Variants in WWC1 observed in about 807,000 individuals in gnomAD.
The protein encoded by WWC1 is protein KIBRA.
WWC1 carries 55 observed loss-of-function variants against 138.4 expected under a neutral mutation model. The observed-to-expected ratio is 0.40, with a 90% CI of 0.32 to 0.50. The LOEUF (loss-of-function observed/expected upper bound fraction) is 0.50, where lower values mean the gene tolerates loss of function less well. WWC1 is among the 20% of genes least tolerant of loss of function. The probability of loss-of-function intolerance (pLI) is 0.72; values close to 1 mark genes in which losing one functional copy is unlikely to be tolerated. For missense variants in WWC1, 1,226 were observed against 1,420.4 expected (o/e 0.86, Z 2.20); for synonymous variants, 524 against 564.9 (o/e 0.93, Z 1.03).
chr5:168,410,847 A>G (rs1357273938), intron 8 of WWC1, among the ~76,000 whole-genome samples: 2 of 152,184 alleles, frequency 1.3e-5, no homozygotes, highest in East Asian at 3.8e-4. Flanking sequence ...GAGAAAGGTA[A>G]GACCAAGATA....
In WWC1 at chr5:168,423,776, G is replaced by C; in HGVS notation, c.1518G>C (p.Val506=). The C allele has an allele frequency of 6.2e-7, 1 of 1,613,940 alleles. No homozygotes were observed. Among genetic ancestry groups the C allele is most frequent in the Non-Finnish European group, 8.5e-7 (1 of 1,179,900 alleles). ...TCACCACCATCCACGAGGATGAGGT[G>C]GCCAAGACCCAGAAGGCAGAGGGAG... The part of the protein sequence containing the change: ...GCITTIHEDE[V]AKTQKAEGGG... Residue 506 remains valine, a synonymous_variant, in exon 11 of 23, where the codon GTG becomes GTC. Coordinates refer to ENST00000265293, the MANE Select transcript of WWC1 (RefSeq NM_015238.3).
Position 168,292,037 on chromosome 5 carries a change from A to C in WWC1, c.-116A>C. The C allele has an allele frequency of 7.8e-7, 1 of 1,286,580 alleles. No homozygotes were observed. The highest frequency in any genetic ancestry group is 1.0e-6 in the Non-Finnish European group (1 of 998,370). The allele number at this position is 1,286,580 out of a possible 1,614,324, so 79.7% of individuals were successfully genotyped here. On this transcript the variant is annotated 5_prime_UTR_variant, in exon 1 of 23. Transcript: ENST00000265293. The surrounding 1 kb of genome is among the most constrained non-coding windows in gnomAD (Gnocchi z 4.4). The stretch of plus-strand genomic sequence containing the variant: ...CTAGGGCCCCCCATCTGCGGGCGCC[A>C]CCCCCCGGATCATGGTGCCTCGGCG...
intron 12 of WWC1, 136 bp downstream of exon 12, chr5:168,428,277 A>C (rs929245599): frequency 8.6e-6 from 7 of 809,604 alleles, no homozygotes; most frequent in Admixed American, 2.9e-5. Context: ...GCATGACCCC[A>C]CCTTCCTCTT....
At chr5:168,404,704 C>G (rs112976731) in intron 5 of WWC1, among the ~76,000 whole-genome samples, 161 of 152,290 alleles carry the variant, frequency 1.1e-3, no homozygotes, top group African/African-American at 3.7e-3. Context: ...TTCCCGCAGA[C>G]TGTAAAACTC....
intron 1 of WWC1, among the ~76,000 whole-genome samples, chr5:168,322,144 G>A (rs1772166465): frequency 6.6e-6 from 1 of 152,178 alleles, no homozygotes; most frequent in Non-Finnish European, 1.5e-5. Flanking sequence ...ATGTGATTTT[G>A]TAACAGATTG....
chr5:168,352,960 G>T (rs1289675517), intron 1 of WWC1, among the ~76,000 whole-genome samples: 4 of 152,128 alleles, frequency 2.6e-5, no homozygotes, highest in Non-Finnish European at 4.4e-5. Context: ...GTTAATATGG[G>T]TAACTCTTAG....
intron 5 of WWC1, among the ~76,000 whole-genome samples, chr5:168,403,245 G>A (rs930640304): frequency 1.3e-5 from 2 of 151,846 alleles, no homozygotes; most frequent in Non-Finnish European, 2.9e-5. Flanking sequence ...CTACAGACAC[G>A]TGCCACCATG....
At chr5:168,393,943 A>T (rs536001039) in intron 3 of WWC1, among the ~76,000 whole-genome samples, 1 of 152,232 alleles carries the variant, frequency 6.6e-6, no homozygotes, top group Non-Finnish European at 1.5e-5. Context: ...GGGGAAAAAA[A>T]GTGCTGAAAA....
chr5:168,345,880 CAG>C (rs1185927959), intron 1 of WWC1, among the ~76,000 whole-genome samples: 1 of 152,146 alleles, frequency 6.6e-6, no homozygotes, highest in South Asian at 2.1e-4. Context: ...GCTGTGGAGT[CAG>C]AGTGGCTGGG....
At chr5:168,437,882 C>T (rs557895357) in intron 15 of WWC1, among the ~76,000 whole-genome samples, 92 of 152,276 alleles carry the variant, frequency 6.0e-4, no homozygotes, top group African/African-American at 2.1e-3. Context: ...CCTAGGAAAC[C>T]ACGAGACCCG....
chr5:168,435,608 A>G (rs913474065), intron 15 of WWC1, among the ~76,000 whole-genome samples: 1 of 151,360 alleles, frequency 6.6e-6, no homozygotes, highest in Non-Finnish European at 1.5e-5. Context: ...ATGGGGTCTC[A>G]CTATGTTGCC....
chr5:168,340,035 CCTTT>C (rs1561631317), intron 1 of WWC1, among the ~76,000 whole-genome samples: 14 of 138,320 alleles, frequency 1.0e-4, no homozygotes, highest in Non-Finnish European at 1.6e-4. Flanking sequence ...TCCTTTCTTT[CCTTT>C]CTTTTCTTTC....
chr5:168,314,055 A>C (rs1771354884), intron 1 of WWC1, among the ~76,000 whole-genome samples: 1 of 152,216 alleles, frequency 6.6e-6, no homozygotes, highest in South Asian at 2.1e-4. Context: ...GCTACAGAAC[A>C]CGGGACAGCG....
At chr5:168,380,598 G>A (rs1331328866) in intron 2 of WWC1, among the ~76,000 whole-genome samples, 2 of 152,174 alleles carry the variant, frequency 1.3e-5, no homozygotes, top group Non-Finnish European at 2.9e-5. Context: ...GGTACAACCA[G>A]TTTGGAAAAG....
chr5:168,459,270 A>G (rs1756594389), intron 19 of WWC1, among the ~76,000 whole-genome samples: 1 of 151,022 alleles, frequency 6.6e-6, no homozygotes, highest in African/African-American at 2.4e-5. Flanking sequence ...AAAAAAAAAA[A>G]AAAAGAAAGA....
In WWC1 at chr5:168,363,524, C is replaced by CAAAAAAA. The variant is rs386405611; in HGVS notation, c.120-7883_120-7877dup. Among the ~76,000 whole-genome samples the CAAAAAAA allele has an allele frequency of 1.1e-4, 7 of 65,786 alleles. 2 individuals carry two copies. The highest frequency in any genetic ancestry group is 4.8e-4 in the African/African-American group (7 of 14,616). The allele number at this position is 65,786 out of a possible 152,430, so 43.2% of individuals were successfully genotyped here. A position where few individuals can be genotyped will look rare whatever the true frequency, so the allele number is the denominator to read the frequency against. ...TGGGTGACAGAGCCAGACTCTGTCT[C>CAAAAAAA]AAAAAAAAAAAAAAAAAAAAAAAGA... On this transcript the variant is annotated intron_variant, in intron 1 of 22. Transcript: ENST00000265293.
chr5:168,465,067 T>A (rs947002141), intron 21 of WWC1, 105 bp downstream of exon 21: 1 of 1,455,278 alleles, frequency 6.9e-7, no homozygotes, highest in Non-Finnish European at 9.1e-7. Context: ...ATCCTACAAT[T>A]CCCACCACAG....
At chr5:168,429,213 T>A (rs1251935869) in intron 13 of WWC1, among the ~76,000 whole-genome samples, 1 of 151,758 alleles carries the variant, frequency 6.6e-6, no homozygotes, top group African/African-American at 2.4e-5. Flanking sequence ...ACACACATGG[T>A]TGTTCTTTTT....
intron 1 of WWC1, among the ~76,000 whole-genome samples, chr5:168,325,868 C>G (rs542452914): frequency 6.6e-6 from 1 of 152,262 alleles, no homozygotes; most frequent in East Asian, 1.9e-4. Context: ...AGTTTGACTA[C>G]TCTAGATACC....
Sources: allele counts gnomAD v4.1 joint callset (sites outside exome capture counted in the v4.1 genomes callset), GRCh38; gene constraint gnomAD v4.1.1; non-coding constraint Gnocchi (gnomAD v3.1); transcripts MANE v1.5; gene names NCBI Gene and HGNC (gene_info 2026-07-23, HGNC 2026-07-21).